PHKA2: variants seen among roughly 807,000 people sequenced by gnomAD.
PHKA2 encodes phosphorylase b kinase regulatory subunit alpha, liver isoform.
PHKA2 carries 31 observed loss-of-function variants against 102.0 expected under a neutral mutation model. The observed-to-expected ratio is 0.30, with a 90% confidence interval of 0.23 to 0.41. The LOEUF is 0.41. Ranked by LOEUF, PHKA2 falls within the 10% of genes least tolerant of loss-of-function variation. The probability of loss-of-function intolerance (pLI) is 1.00; values close to 1 mark genes in which losing one functional copy is unlikely to be tolerated. For synonymous variants in PHKA2, 455 were observed against 416.2 expected, an observed-to-expected ratio of 1.09 and a Z score of -1.13; for missense variants, 858 against 1,023.1, an observed-to-expected ratio of 0.84 and a Z score of 2.20.
At chrX:18,907,788 A>G in intron 22 of PHKA2, 112 bp downstream of exon 22, 1 of 865,379 alleles carries the variant, frequency 1.2e-6, no homozygotes, top group East Asian at 3.1e-5. Context: ...CCTGTGGGTT[A>G]AAGAATGGGG....
chrX:18,910,627 G>A (rs1261383540), intron 20 of PHKA2, among the ~76,000 whole-genome samples: 1 of 112,280 alleles, frequency 8.9e-6, no homozygotes, highest in East Asian at 2.8e-4. Flanking sequence ...CAGCAAGGTA[G>A]TAGCTTTTTC....
intron 5 of PHKA2, among the ~76,000 whole-genome samples, chrX:18,948,139 A>C (rs146968667): frequency 0.021 from 2,308 of 111,603 alleles, 56 homozygotes; most frequent in African/African-American, 0.071. Context: ...GTTCCCCAAT[A>C]ACCTATGGAA....
Position 18,899,183 on chromosome X carries a change from G to A in PHKA2, c.3101C>T (p.Ser1034Phe), listed in dbSNP as rs199905459. ...CCGAGGCACTGTTACCGCAGACTTG[G>A]AGGAATGCGCACTGCTGGACGCGGC... Reference protein sequence around the residue: ...GQAASSSAHSSKSARSSTPSS... With the variant: ...GQAASSSAHSFKSARSSTPSS... Residue 1034 changes from serine to phenylalanine, a missense_variant, in exon 29 of 33, where the codon TCC (serine) becomes TTC (phenylalanine). Ser to Phe is a radical substitution (Grantham distance 155). Coordinates refer to ENST00000379942, the MANE Select transcript of PHKA2 (RefSeq NM_000292.3). The A allele has an allele frequency of 7.5e-6, 9 of 1,207,805 alleles. No individual in the cohort carries two copies. The East Asian group carries it at 2.7e-4, about 36-fold the overall frequency.
Position 18,907,033 on chromosome X carries a change from T to A in PHKA2, c.2582A>T (p.Glu861Val). Residue 861 changes from glutamate to valine, a missense_variant, in exon 23 of 33, where the codon GAG (glutamate) becomes GTG (valine). Physicochemically the swap from Glu to Val is moderately radical, Grantham distance 121. This residue lies in a region of PHKA2 where 671 missense variants were observed against 745.2 expected (regional missense o/e 0.90). Coordinates refer to ENST00000379942, the MANE Select transcript of PHKA2 (RefSeq NM_000292.3). ...LTVGLPPEPR[E>V]KIISAPLPPE... ...GAGGACTTACGCAGAGATGATCTTC[T>A]CCCGGGGCTCGGGCGGCAGGCCCAC... 8.4e-7 allele frequency: 1 copy of A among 1,195,905 alleles called. No homozygotes were observed. Among genetic ancestry groups the A allele is most frequent in the Non-Finnish European group, 1.1e-6 (1 of 887,198 alleles).
At chrX:18,952,788 A>T (rs1303649291) in intron 2 of PHKA2, among the ~76,000 whole-genome samples, 1 of 112,605 alleles carries the variant, frequency 8.9e-6, no homozygotes, top group Non-Finnish European at 1.9e-5. Context: ...CACCTCTGAA[A>T]TTCAGTGACT....
At chrX:18,964,163 A>C (rs2048906754) in intron 1 of PHKA2, among the ~76,000 whole-genome samples, 1 of 110,938 alleles carries the variant, frequency 9.0e-6, no homozygotes, top group Non-Finnish European at 1.9e-5. Context: ...CTCAGCCCCC[A>C]AGAAAACCTG....
At chrX:18,942,153 A>C (rs2048501976) in intron 7 of PHKA2, among the ~76,000 whole-genome samples, 1 of 112,110 alleles carries the variant, frequency 8.9e-6, no homozygotes, top group Non-Finnish European at 1.9e-5. Flanking sequence ...AATCCAGAAG[A>C]TCTCATGAAC....
Position 18,911,505 on chromosome X carries a change from T to C in PHKA2, c.2138-545A>G, listed in dbSNP as rs923807002. Among the ~76,000 whole-genome samples the C allele has an allele frequency of 3.6e-5, 4 of 111,086 alleles. 1 individual carries two copies. On this transcript the variant is annotated intron_variant, in intron 19 of 32. Transcript: ENST00000379942. Reference sequence around the variant, plus strand: ...TATATTTTTAGTAGAGACAGGGTTTTGCCATGTTGGTCAGGCTGGTCTTGA... The same window carrying C: ...TATATTTTTAGTAGAGACAGGGTTTCGCCATGTTGGTCAGGCTGGTCTTGA...
intron 17 of PHKA2, among the ~76,000 whole-genome samples, chrX:18,921,750 C>T (rs778377421): frequency 9.0e-6 from 1 of 110,921 alleles, no homozygotes; most frequent in Admixed American, 9.6e-5. Flanking sequence ...GCTTAGAGGC[C>T]GGGTTCTGGG....
chrX:18,906,251 G>A (rs774644804), intron 25 of PHKA2, among the ~76,000 whole-genome samples: 2 of 112,033 alleles, frequency 1.8e-5, no homozygotes, highest in Admixed American at 9.5e-5. Flanking sequence ...ATTCCACATC[G>A]CCTTTGAGGC....
intron 1 of PHKA2, among the ~76,000 whole-genome samples, chrX:18,979,073 C>G (rs1296911023): frequency 9.0e-6 from 1 of 111,098 alleles, no homozygotes. Flanking sequence ...GAGGTGGAGG[C>G]TGCAGTGAGG....
intron 21 of PHKA2, 76 bp from the exon 22 acceptor site, chrX:18,908,132 T>G: frequency 9.9e-7 from 1 of 1,011,799 alleles, no homozygotes; most frequent in Non-Finnish European, 1.4e-6. Flanking sequence ...ACTGTGCATT[T>G]TGCACAGCAC....
rs747613605 is a variant in PHKA2, at chrX:18,935,995, A to T, written c.1137+60T>A. 13 of 755,425 alleles carry T rather than the reference A, an allele frequency of 1.7e-5. No homozygotes were observed. In the Admixed American group the frequency reaches 3.0e-4, roughly 17 times the overall value. The allele number at this position is 755,425 out of a possible 1,213,427, so 62.3% of individuals were successfully genotyped here. On this transcript the variant is annotated intron_variant, in intron 11 of 32. Coordinates refer to ENST00000379942, the MANE Select transcript of PHKA2 (RefSeq NM_000292.3). ...AGGGGATAAAGAATACCAACAGGCCAAGCAATGAGTCACTTATTTCTAGAT... is the reference window on the plus strand; with the variant it reads ...AGGGGATAAAGAATACCAACAGGCCTAGCAATGAGTCACTTATTTCTAGAT...
chrX:18,965,405 C>T (rs1303489966), intron 1 of PHKA2, among the ~76,000 whole-genome samples: 1 of 111,683 alleles, frequency 9.0e-6, no homozygotes, highest in African/African-American at 3.3e-5. Flanking sequence ...TTCAGCTGAA[C>T]AGGGGTATTA....
intron 1 of PHKA2, among the ~76,000 whole-genome samples, chrX:18,974,554 G>A (rs752017333): frequency 3.6e-5 from 4 of 111,515 alleles, no homozygotes; most frequent in Non-Finnish European, 7.5e-5. Flanking sequence ...AGATCGGGGG[G>A]CCTAAACAAC....
intron 25 of PHKA2, 139 bp downstream of exon 25, chrX:18,906,356 C>T (rs775765141): frequency 1.1e-5 from 8 of 721,124 alleles, no homozygotes; most frequent in African/African-American, 4.2e-5. Context: ...ATGAGAGAAG[C>T]TGGTAAGGCC....
rs2048412622 is a variant in PHKA2 at position 18,937,492 on chromosome X, T to C, written c.1041+1135A>G. Among the ~76,000 whole-genome samples the C allele has an allele frequency of 2.7e-5, 3 of 111,221 alleles. No homozygotes were observed. The South Asian group carries it at 1.1e-3, about 42-fold the overall frequency. ...CCCATGCTGTTATAGTTGTGGGTCG[T>C]AGGAGCACCTGCCCCAGCTTTTAGG... On this transcript the variant is annotated intron_variant, in intron 10 of 32. Coordinates refer to ENST00000379942, the MANE Select transcript of PHKA2 (RefSeq NM_000292.3).
chrX:18,944,299 T>G (rs765434691), intron 6 of PHKA2, among the ~76,000 whole-genome samples: 7 of 112,440 alleles, frequency 6.2e-5, no homozygotes, highest in Non-Finnish European at 1.1e-4. Flanking sequence ...TGGTCGTCTT[T>G]TCTCTCACAT....
At chrX:18,925,522 C>T (rs748642723) in intron 15 of PHKA2, 146 bp downstream of exon 15, 1 of 499,131 alleles carries the variant, frequency 2.0e-6, no homozygotes, top group African/African-American at 2.4e-5. Context: ...CTACTACGGG[C>T]AGACTTGTAC....
Sources: gnomAD v4.1 joint callset for allele counts (sites outside exome capture counted in the v4.1 genomes callset) on GRCh38, gnomAD v4.1.1 for gene constraint, gnomAD v4.1.1 regional missense constraint, MANE v1.5 for transcripts, NCBI Gene and HGNC (gene_info 2026-07-23, HGNC 2026-07-21) for gene names.